PPEF1: variants seen among roughly 807,000 people sequenced by gnomAD.
The protein encoded by PPEF1 is serine/threonine-protein phosphatase with EF-hands 1.
PPEF1 carries 12 observed loss-of-function variants against 53.3 expected under a neutral mutation model. The ratio of observed to expected loss-of-function variants is 0.23; its 90% confidence interval spans 0.14 to 0.36. The LOEUF (loss-of-function observed/expected upper bound fraction) is 0.36. PPEF1 is among the 10% of genes least tolerant of loss of function. The pLI, the probability that PPEF1 is intolerant of heterozygous loss-of-function variation, is 1.00. For missense variants in PPEF1, 334 were observed against 490.4 expected, an observed-to-expected ratio of 0.68 and a Z score of 3.01; for synonymous variants, 165 against 176.7, an observed-to-expected ratio of 0.93 and a Z score of 0.52.
chrX:18,711,972 C>G lies in PPEF1; in HGVS notation c.46+4146C>G, dbSNP rs1328529933. 4.5e-5 allele frequency among the ~76,000 whole-genome samples: 5 copies of G among 111,359 alleles called. 1 individual carries two copies. The highest frequency in any genetic ancestry group is 1.6e-4 in the African/African-American group (5 of 30,574). ...GTTTCACCATGTTGGCCAGGCTGGTCTGAACTCCTGACCTTGTGATCCGCC... is the reference window on the plus strand; with the variant it reads ...GTTTCACCATGTTGGCCAGGCTGGTGTGAACTCCTGACCTTGTGATCCGCC... On this transcript the variant is annotated intron_variant, in intron 1 of 15. Transcript: ENST00000470157.
intron 9 of PPEF1, among the ~76,000 whole-genome samples, chrX:18,784,306 T>A (rs755039289): frequency 3.6e-5 from 4 of 111,885 alleles, no homozygotes; most frequent in Non-Finnish European, 7.5e-5. Flanking sequence ...AATGTTGGCA[T>A]TTTATGTAGT....
chrX:18,749,128 C>T (rs921890589), intron 3 of PPEF1, among the ~76,000 whole-genome samples: 1 of 111,636 alleles, frequency 9.0e-6, no homozygotes, highest in African/African-American at 3.3e-5. Flanking sequence ...TCTCAGCACC[C>T]ACTAAAATGG....
intron 11 of PPEF1, among the ~76,000 whole-genome samples, chrX:18,804,803 C>T (rs1413058098): frequency 3.6e-5 from 4 of 111,492 alleles, no homozygotes; most frequent in African/African-American, 1.3e-4. Context: ...AAACACACTT[C>T]CCTTCAGCTC....
rs147860754 is a variant in PPEF1 at position 18,818,699 on chromosome X, G to A, written c.1501+554G>A. 9.4e-3 allele frequency among the ~76,000 whole-genome samples: 1,051 copies of A among 111,712 alleles called. 12 individuals carry two copies. The highest frequency in any genetic ancestry group is 0.033 in the African/African-American group (1,010 of 30,782). On this transcript the variant is annotated intron_variant, in intron 13 of 15. Transcript: ENST00000470157. Reference sequence around the variant, plus strand: ...ATTCTGATAGTATGCTAGACTAGATGTTCTGGAGGGCCTTCTTATTAACAA... The same window carrying A: ...ATTCTGATAGTATGCTAGACTAGATATTCTGGAGGGCCTTCTTATTAACAA...
chrX:18,686,309 A>G (rs1332301448), intron 3 of PPEF1: 2 of 110,918 alleles, frequency 1.8e-5, no homozygotes. Context: ...TTCCCCATGT[A>G]TCAATTTCAC....
At chrX:18,774,795 A>G (rs932135211) in intron 6 of PPEF1, among the ~76,000 whole-genome samples, 8 of 111,712 alleles carry the variant, frequency 7.2e-5, no homozygotes, top group African/African-American at 2.6e-4. Flanking sequence ...TCCCACTACT[A>G]TAGATGAGAA....
At chrX:18,789,629 A>G (rs2046289457) in intron 10 of PPEF1, among the ~76,000 whole-genome samples, 1 of 112,161 alleles carries the variant, frequency 8.9e-6, no homozygotes, top group Admixed American at 9.5e-5. Context: ...TTAGGCAACC[A>G]TCAATCTACT....
chrX:18,816,342 C>A (rs1324316921), intron 12 of PPEF1, among the ~76,000 whole-genome samples: 2 of 111,127 alleles, frequency 1.8e-5, no homozygotes, highest in African/African-American at 6.6e-5. Context: ...TTTATTTTCC[C>A]AAATTACTTT....
At chrX:18,718,592 A>G (rs1382156172) in intron 1 of PPEF1, among the ~76,000 whole-genome samples, 1 of 111,624 alleles carries the variant, frequency 9.0e-6, no homozygotes, top group African/African-American at 3.3e-5. Context: ...ATTGTCTCAA[A>G]AAAGAAAAAA....
intron 1 of PPEF1, among the ~76,000 whole-genome samples, chrX:18,683,241 A>G (rs1928945553): frequency 9.0e-6 from 1 of 111,675 alleles, no homozygotes; most frequent in Non-Finnish European, 1.9e-5. Flanking sequence ...CTGGGGAGCC[A>G]GTAGTTCTCA....
chrX:18,735,703 A>G (rs1383185103), intron 3 of PPEF1, among the ~76,000 whole-genome samples: 4 of 111,933 alleles, frequency 3.6e-5, no homozygotes, highest in African/African-American at 1.3e-4. Context: ...CATTGAATCT[A>G]TAAATTACCT....
chrX:18,702,609 C>G (rs955835877), intron 6 of PPEF1, among the ~76,000 whole-genome samples: 1 of 107,820 alleles, frequency 9.3e-6, no homozygotes, highest in African/African-American at 3.4e-5. Flanking sequence ...TTAGTTTGTC[C>G]CCACGGCCTG....
At chrX:18,763,165 A>G (rs113535768) in intron 6 of PPEF1, among the ~76,000 whole-genome samples, 6,310 of 111,425 alleles carry the variant, frequency 0.057, 449 homozygotes, top group African/African-American at 0.19. Context: ...CTGGAGCCTC[A>G]GTAAATTTAC....
At chrX:18,698,996 C>A (rs1386919248) in intron 5 of PPEF1, among the ~76,000 whole-genome samples, 1 of 111,898 alleles carries the variant, frequency 8.9e-6, no homozygotes, top group African/African-American at 3.2e-5. Context: ...GACATTGGAA[C>A]AACTGTATCT....
chrX:18,797,274 G>A (rs2046450141), intron 10 of PPEF1, among the ~76,000 whole-genome samples: 1 of 111,838 alleles, frequency 8.9e-6, no homozygotes, highest in South Asian at 3.7e-4. Context: ...TTTGTATAAA[G>A]ATCATATACT....
chrX:18,795,644 C>T (rs1463601053), intron 10 of PPEF1, among the ~76,000 whole-genome samples: 2 of 111,740 alleles, frequency 1.8e-5, no homozygotes, highest in African/African-American at 6.5e-5. Flanking sequence ...TTCTAAATTT[C>T]CAGTCCTACA....
chrX:18,676,191 A>G (rs1331734326), intron 1 of PPEF1: 1 of 111,150 alleles, frequency 9.0e-6, no homozygotes, highest in East Asian at 2.9e-4. Context: ...GCCATTCATG[A>G]GCTGGGTGCT....
intron 12 of PPEF1, among the ~76,000 whole-genome samples, chrX:18,808,259 C>A (rs1178603264): frequency 9.1e-6 from 1 of 110,222 alleles, no homozygotes; most frequent in African/African-American, 3.3e-5. Flanking sequence ...GCCACCACGC[C>A]CGGCCGTACG....
chrX:18,692,496 C>T (rs1339720111), intron 4 of PPEF1, among the ~76,000 whole-genome samples: 3 of 111,992 alleles, frequency 2.7e-5, no homozygotes, highest in Admixed American at 9.5e-5. Context: ...GAATCCTCCT[C>T]GATGTCTCTG....
Sources: gnomAD v4.1 joint callset for allele counts (sites outside exome capture counted in the v4.1 genomes callset) on GRCh38, gnomAD v4.1.1 for gene constraint, MANE v1.5 for transcripts, NCBI Gene and HGNC (gene_info 2026-07-23, HGNC 2026-07-21) for gene names.